The following ADAMTSL1 variants were observed in gnomAD, a reference collection of about 807,000 sequenced individuals.
The protein encoded by ADAMTSL1 is ADAMTS-like protein 1.
ADAMTSL1 carries 126 observed loss-of-function variants against 201.8 expected under a neutral mutation model. The observed-to-expected ratio is 0.62, with a 90% CI of 0.54 to 0.72. The LOEUF is 0.72. Ranked by LOEUF, ADAMTSL1 falls within the 30% of genes least tolerant of loss-of-function variation. The pLI, the probability that ADAMTSL1 is intolerant of heterozygous loss-of-function variation, is 0.00. For synonymous variants in ADAMTSL1, 1,121 were observed against 903.4 expected (o/e 1.24, Z -4.32); for missense variants, 2,679 against 2,277.8 (o/e 1.18, Z -3.59).
intron 13 of ADAMTSL1, among the ~76,000 whole-genome samples, chr9:18,691,308 A>T (rs1287587128): frequency 2.0e-5 from 3 of 152,232 alleles, no homozygotes; most frequent in Non-Finnish European, 4.4e-5. Flanking sequence ...TACAATGTAT[A>T]CATTGAAAGG....
chr9:17,970,204 A>C (rs183084240), intron 1 of ADAMTSL1, among the ~76,000 whole-genome samples: 35 of 152,132 alleles, frequency 2.3e-4, no homozygotes, highest in Admixed American at 1.8e-3. Flanking sequence ...CTATCCAATG[A>C]CTTCAAAAAC....
chr9:18,012,066 A>G (rs1043503050), intron 1 of ADAMTSL1, among the ~76,000 whole-genome samples: 1 of 151,994 alleles, frequency 6.6e-6, no homozygotes, highest in African/African-American at 2.4e-5. Flanking sequence ...AGAGAAAGAA[A>G]CAGGTTTGCC....
intron 2 of ADAMTSL1, among the ~76,000 whole-genome samples, chr9:18,337,440 C>T (rs894981392): frequency 1.3e-5 from 2 of 152,162 alleles, no homozygotes; most frequent in African/African-American, 2.4e-5. Context: ...AACTCCCTTT[C>T]ATATATACAT....
At chr9:18,372,344 G>A (rs946621745) in intron 2 of ADAMTSL1, among the ~76,000 whole-genome samples, 1 of 152,146 alleles carries the variant, frequency 6.6e-6, no homozygotes, top group South Asian at 2.1e-4. Context: ...ATCGCATGCC[G>A]TGACTGGGAT....
chr9:18,072,226 C>T (rs1462523246), intron 1 of ADAMTSL1, among the ~76,000 whole-genome samples: 2 of 152,058 alleles, frequency 1.3e-5, no homozygotes, highest in South Asian at 2.1e-4. Flanking sequence ...TCATTACTTT[C>T]GATGGCAGCT....
At chr9:18,057,670 G>A (rs902173870) in intron 1 of ADAMTSL1, among the ~76,000 whole-genome samples, 16 of 152,198 alleles carry the variant, frequency 1.1e-4, no homozygotes, top group South Asian at 2.1e-4. Context: ...CAAAGTCAGA[G>A]CTTGTCACCA....
rs576726323 is a variant in ADAMTSL1, at chr9:18,205,979, G to A, written c.207+41998G>A. On this transcript the variant is annotated intron_variant, in intron 2 of 29. Transcript: ENST00000680146. ...TGAGGCAGGGGAATCACTTGAAACC[G>A]GGAGACAGAGTTTGCAGTGAGCTGA... 5.6e-5 allele frequency among the ~76,000 whole-genome samples: 8 copies of A among 141,666 alleles called. No individual in the cohort carries two copies. The East Asian group carries it at 9.1e-4, about 16-fold the overall frequency. The allele number at this position is 141,666 out of a possible 152,430, so 92.9% of individuals were successfully genotyped here. A position where few individuals can be genotyped will look rare whatever the true frequency, so the allele number is the denominator to read the frequency against.
chr9:18,406,493 T>G (rs1221402061), intron 2 of ADAMTSL1, among the ~76,000 whole-genome samples: 1 of 151,976 alleles, frequency 6.6e-6, no homozygotes, highest in African/African-American at 2.4e-5. Flanking sequence ...ATTGCCCGGC[T>G]AATTTTTTTG....
intron 26 of ADAMTSL1, among the ~76,000 whole-genome samples, chr9:18,899,334 G>A (rs1487694577): frequency 1.3e-5 from 2 of 152,216 alleles, no homozygotes; most frequent in Admixed American, 6.5e-5. Context: ...CATGCTCATT[G>A]ATAGGAAAAA....
intron 14 of ADAMTSL1, among the ~76,000 whole-genome samples, chr9:18,707,926 T>A (rs1832325046): frequency 6.6e-6 from 1 of 152,206 alleles, no homozygotes; most frequent in Non-Finnish European, 1.5e-5. Flanking sequence ...TTACGAACTT[T>A]CTTCCCACAC....
intron 2 of ADAMTSL1, among the ~76,000 whole-genome samples, chr9:18,514,179 G>C (rs981455769): frequency 6.6e-5 from 10 of 152,026 alleles, no homozygotes; most frequent in Non-Finnish European, 1.3e-4. Context: ...GTAATGTTTT[G>C]TGATTGTCAG....
At chr9:17,913,881 T>C (rs1679025643) in intron 1 of ADAMTSL1, among the ~76,000 whole-genome samples, 1 of 152,184 alleles carries the variant, frequency 6.6e-6, no homozygotes, top group Admixed American at 6.5e-5. Context: ...CATCAGAGAA[T>C]ACTGCAAACA....
In ADAMTSL1 at chr9:18,073,836, G is replaced by A. The variant is rs74400370; in HGVS notation, c.88-90026G>A. The stretch of plus-strand genomic sequence containing the variant: ...TTGGCAATGTCATGTGCTAAATGAG[G>A]TAGTCTTAGTTATAACTTCAGGATC... On this transcript the variant is annotated intron_variant, in intron 1 of 29. Coordinates refer to the ADAMTSL1 transcript ENST00000680146. Among the ~76,000 whole-genome samples the A allele has an allele frequency of 9.9e-3, 1,513 of 152,242 alleles. 20 individuals carry two copies. The highest frequency in any genetic ancestry group is 0.035 in the African/African-American group (1,442 of 41,546).
At chr9:18,028,123 G>C (rs1158941798) in intron 1 of ADAMTSL1, among the ~76,000 whole-genome samples, 1 of 152,058 alleles carries the variant, frequency 6.6e-6, no homozygotes, top group African/African-American at 2.4e-5. Flanking sequence ...TGGGTCTCTT[G>C]AAGACAGCAG....
At chr9:18,646,551 T>G (rs1254197646) in intron 7 of ADAMTSL1, among the ~76,000 whole-genome samples, 1 of 146,534 alleles carries the variant, frequency 6.8e-6, no homozygotes, top group East Asian at 2.0e-4. Flanking sequence ...CTTATTATTT[T>G]GAGATACGTC....
At chr9:18,567,149 A>C (rs1821957869) in intron 3 of ADAMTSL1, among the ~76,000 whole-genome samples, 2 of 152,166 alleles carry the variant, frequency 1.3e-5, no homozygotes, top group African/African-American at 4.8e-5. Context: ...TGTACGTTTA[A>C]GTTTGAAAAC....
chr9:18,029,242 A>G (rs545565875), intron 1 of ADAMTSL1, among the ~76,000 whole-genome samples: 145 of 152,130 alleles, frequency 9.5e-4, no homozygotes, highest in African/African-American at 3.3e-3. Flanking sequence ...CTATTTGAAT[A>G]CCCTTTGTTT....
chr9:18,224,286 G>C (rs1230164574), intron 2 of ADAMTSL1, among the ~76,000 whole-genome samples: 2 of 152,122 alleles, frequency 1.3e-5, no homozygotes, highest in East Asian at 1.9e-4. Context: ...CTGCTTTCAA[G>C]ATGGTGCCCT....
At chr9:18,339,646 G>C (rs555458736) in intron 2 of ADAMTSL1, among the ~76,000 whole-genome samples, 1 of 152,078 alleles carries the variant, frequency 6.6e-6, no homozygotes, top group South Asian at 2.1e-4. Flanking sequence ...TTTACAGATG[G>C]GATCTCACTT....
Sources: gnomAD v4.1 joint callset for allele counts (sites outside exome capture counted in the v4.1 genomes callset) on GRCh38, gnomAD v4.1.1 for gene constraint, MANE v1.5 for transcripts, NCBI Gene and HGNC (gene_info 2026-07-23, HGNC 2026-07-21) for gene names.